Variants in CCDC15 observed in about 807,000 individuals in gnomAD.
CCDC15 encodes coiled-coil domain-containing protein 15.
In CCDC15, 105 loss-of-function variants were observed where a neutral mutation model predicts 114.5. That is an observed-to-expected ratio of 0.92 (90% CI 0.78 to 1.08). The LOEUF (loss-of-function observed/expected upper bound fraction) is 1.08. Among genes scored for constraint, CCDC15 ranks in the 50% least tolerant of loss-of-function variants. CCDC15 has a pLI of 0.00. For synonymous variants in CCDC15, 334 were observed against 377.8 expected (o/e 0.88, Z 1.34); for missense variants, 1,105 against 1,093.6 (o/e 1.01, Z -0.15).
Position 124,975,436 on chromosome 11 carries a change from T to G in CCDC15, c.630+227T>G, listed in dbSNP as rs970458904. On this transcript the variant is annotated intron_variant, in intron 5 of 15. Transcript: ENST00000344762. ...AAGGGAAAGTGTCTGTGATATAAAG[T>G]TAAGAAAAAAGTTGGATATGAAATT... 1.1e-4 allele frequency among the ~76,000 whole-genome samples: 16 copies of G among 152,200 alleles called. No individual in the cohort carries two copies. The South Asian group carries it at 1.9e-3, about 18-fold the overall frequency.
intron 13 of CCDC15, among the ~76,000 whole-genome samples, chr11:125,031,896 G>A (rs571647254): frequency 2.0e-5 from 3 of 152,320 alleles, no homozygotes; most frequent in African/African-American, 7.2e-5. Context: ...AATGAGGAAT[G>A]TGTCGACAAC....
chr11:125,038,036 A>C (rs1167891669), intron 13 of CCDC15: 1 of 152,758 alleles, frequency 6.5e-6, no homozygotes, highest in African/African-American at 2.4e-5. Context: ...CTCTGGCCTC[A>C]GCCTCCTGAG....
intron 13 of CCDC15, among the ~76,000 whole-genome samples, chr11:125,006,201 G>A (rs1198328358): frequency 1.3e-5 from 2 of 152,148 alleles, no homozygotes; most frequent in East Asian, 3.8e-4. Flanking sequence ...GAGGGTTCCT[G>A]TTGCTTGACA....
intron 4 of CCDC15, among the ~76,000 whole-genome samples, chr11:124,962,440 G>A (rs1449467823): frequency 5.9e-5 from 9 of 152,194 alleles, no homozygotes; most frequent in Non-Finnish European, 1.2e-4. Context: ...AGGTAAAGTA[G>A]GGAGTTACGG....
intron 3 of CCDC15, 85 bp from the exon 4 acceptor site, chr11:124,959,730 A>AAAAATAAG: frequency 1.1e-6 from 1 of 904,410 alleles, no homozygotes; most frequent in Non-Finnish European, 1.5e-6. Flanking sequence ...CCCAATTTAA[A>AAAAATAAG]ATCTTCTGAA....
chr11:124,967,732 C>CA (rs1947808576), intron 4 of CCDC15, among the ~76,000 whole-genome samples: 1 of 152,192 alleles, frequency 6.6e-6, no homozygotes, highest in African/African-American at 2.4e-5. Flanking sequence ...TTAGAATTTT[C>CA]AGCTTTTCTG....
chr11:124,982,909 C>A (rs1948095333), intron 6 of CCDC15, among the ~76,000 whole-genome samples: 1 of 152,180 alleles, frequency 6.6e-6, no homozygotes, highest in South Asian at 2.1e-4. Context: ...TGCTTGGTTT[C>A]TTTCCCTCTC....
In CCDC15 at chr11:125,005,355, T is replaced by C. The variant is rs542161698; in HGVS notation, c.2411+143T>C. On this transcript the variant is annotated intron_variant, in intron 13 of 15. Coordinates refer to ENST00000344762, the MANE Select transcript of CCDC15 (RefSeq NM_025004.3). ...TTGATCTGGGTGAAGTATTGGAAGA[T>C]GGTGAACAGCTATGGTTTGGTTTTT... 1.0e-4 allele frequency: 49 copies of C among 471,310 alleles called. No individual in the cohort carries two copies. In the East Asian group the frequency reaches 1.3e-3, roughly 13 times the overall value. The allele number at this position is 471,310 out of a possible 1,614,324, so 29.2% of individuals were successfully genotyped here. A position where few individuals can be genotyped will look rare whatever the true frequency, so the allele number is the denominator to read the frequency against.
At chr11:124,990,530 G>A (rs1328097838) in intron 8 of CCDC15, among the ~76,000 whole-genome samples, 3 of 152,068 alleles carry the variant, frequency 2.0e-5, no homozygotes, top group African/African-American at 7.2e-5. Context: ...AATAAAAATA[G>A]GTATGCTGTA....
At chr11:125,025,251 A>G (rs1948693247) in intron 13 of CCDC15, among the ~76,000 whole-genome samples, 1 of 150,126 alleles carries the variant, frequency 6.7e-6, no homozygotes, top group African/African-American at 2.4e-5. Flanking sequence ...GTTCCTGGGT[A>G]CACCCATTTG....
intron 13 of CCDC15, among the ~76,000 whole-genome samples, chr11:125,015,130 G>A (rs978253513): frequency 6.6e-6 from 1 of 152,086 alleles, no homozygotes; most frequent in Non-Finnish European, 1.5e-5. Flanking sequence ...GGGAATGTCA[G>A]AGCCTTGATT....
At chr11:124,984,523 T>A (rs1277098555) in intron 6 of CCDC15, among the ~76,000 whole-genome samples, 1 of 152,112 alleles carries the variant, frequency 6.6e-6, no homozygotes, top group African/African-American at 2.4e-5. Flanking sequence ...AAGGTGGGCC[T>A]TGGGGGATGG....
intron 5 of CCDC15, among the ~76,000 whole-genome samples, chr11:124,976,032 T>C (rs1166457561): frequency 6.6e-6 from 1 of 151,994 alleles, no homozygotes; most frequent in Non-Finnish European, 1.5e-5. Context: ...TGTACTTAAT[T>C]TTGGCATTAA....
Position 125,003,084 on chromosome 11 carries a change from A to G in CCDC15, c.2215-783A>G, listed in dbSNP as rs374275638. ...TCATTTTTTTAAAACAATGTTTTGT[A>G]TGTTTCAGAGTATAAAATTCACACT... On this transcript the variant is annotated intron_variant, in intron 11 of 15. Transcript: ENST00000344762. Among the ~76,000 whole-genome samples, 23 of 151,908 alleles carry G rather than the reference A, an allele frequency of 1.5e-4. 1 individual carries two copies. The highest frequency in any genetic ancestry group is 1.2e-3 in the East Asian group (6 of 5,196).
In CCDC15 at chr11:124,991,592, G is replaced by T; in HGVS notation, c.2031+9G>T. On this transcript the variant is annotated intron_variant, in intron 9 of 15. Transcript: ENST00000344762. ...ATGACATCAAAAATCAGGTAGAGTA[G>T]AAGAAAAAGATATAAACAGGAAGGA... The T allele has an allele frequency of 6.3e-7, 1 of 1,591,062 alleles. No homozygotes were observed. The highest frequency in any genetic ancestry group is 1.1e-5 in the South Asian group (1 of 87,214).
intron 13 of CCDC15, among the ~76,000 whole-genome samples, chr11:125,037,026 G>C (rs1474849264): frequency 6.6e-6 from 1 of 152,138 alleles, no homozygotes. Context: ...TAGTCTTGAT[G>C]CTTGTGGATG....
At chr11:124,983,675 C>T (rs1320251210) in intron 6 of CCDC15, among the ~76,000 whole-genome samples, 1 of 152,184 alleles carries the variant, frequency 6.6e-6, no homozygotes, top group Non-Finnish European at 1.5e-5. Flanking sequence ...TGTTCCCAGG[C>T]TGCTGGTCAC....
chr11:124,986,686 T>TGTGC, intron 6 of CCDC15, 56 bp from the exon 7 acceptor site: 1 of 1,392,832 alleles, frequency 7.2e-7, no homozygotes. Flanking sequence ...TGTGTGTGTG[T>TGTGC]GTGTTTGTGT....
intron 13 of CCDC15, among the ~76,000 whole-genome samples, chr11:125,034,633 G>C (rs576427765): frequency 6.6e-6 from 1 of 152,256 alleles, no homozygotes; most frequent in Non-Finnish European, 1.5e-5. Flanking sequence ...AAGTTATTAT[G>C]TACAGGGTCA....
Sources: gnomAD v4.1 joint callset for allele counts (sites outside exome capture counted in the v4.1 genomes callset) on GRCh38, gnomAD v4.1.1 for gene constraint, MANE v1.5 for transcripts, NCBI Gene and HGNC (gene_info 2026-07-23, HGNC 2026-07-21) for gene names.